Variants in PCDHGA2 observed in about 807,000 individuals in gnomAD.
The protein encoded by PCDHGA2 is protocadherin gamma subfamily A, 2.
In PCDHGA2, 40 loss-of-function variants were observed where a neutral mutation model predicts 59.2. That is an observed-to-expected ratio of 0.68 (90% CI 0.52 to 0.88). The LOEUF is 0.88. PCDHGA2 is among the 40% of genes least tolerant of loss of function. PCDHGA2 has a pLI of 0.00. For missense variants in PCDHGA2, 1,226 were observed against 1,204.0 expected (o/e 1.02, Z -0.27); for synonymous variants, 560 against 526.0 (o/e 1.06, Z -0.89).
chr5:141,433,050 G>A, intron 1 of PCDHGA2: 2 of 1,614,142 alleles, frequency 1.2e-6, no homozygotes, highest in Non-Finnish European at 1.7e-6. Context: ...ACGGACTCGC[G>A]GAAGAGTCAC....
chr5:141,370,807 C>T lies in PCDHGA2; in HGVS notation c.2424+29412C>T. 2 of 1,614,036 alleles carry T rather than the reference C, an allele frequency of 1.2e-6. No homozygotes were observed. Among genetic ancestry groups the T allele is most frequent in the Non-Finnish European group, 1.7e-6 (2 of 1,179,902 alleles). On this transcript the variant is annotated intron_variant, in intron 1 of 3. Coordinates refer to ENST00000394576, the MANE Select transcript of PCDHGA2 (RefSeq NM_018915.4). ...CCACCGACCTTTAGCCAAAATATCA[C>T]TGAGCTGGAAATCAGCGAACTGGCT...
chr5:141,365,657 G>A (rs79266084), intron 1 of PCDHGA2: 42,341 of 1,613,360 alleles, frequency 0.026, 713 homozygotes, highest in East Asian at 0.041. Flanking sequence ...CTTGAAAGTA[G>A]CAGACGTTAA....
At chr5:141,501,837 G>C (rs2099811299) in intron 2 of PCDHGA2, among the ~76,000 whole-genome samples, 1 of 152,018 alleles carries the variant, frequency 6.6e-6, no homozygotes, top group Admixed American at 6.5e-5. Flanking sequence ...CCACCTGTTT[G>C]GCCCTCAACC....
intron 1 of PCDHGA2, chr5:141,361,052 A>T: frequency 6.2e-7 from 1 of 1,613,800 alleles, no homozygotes; most frequent in South Asian, 1.1e-5. Flanking sequence ...ACAAAGGATG[A>T]TTTGGATTTT....
intron 1 of PCDHGA2, chr5:141,351,301 C>G (rs1403926091): frequency 6.2e-7 from 1 of 1,613,870 alleles, no homozygotes; most frequent in African/African-American, 1.3e-5. Flanking sequence ...CATTCATGTC[C>G]TTCTCTAACC....
At position 141,339,538 on chromosome 5, in the gene PCDHGA2, CAA is replaced by C; in HGVS notation, c.568_569del (p.Lys190ValfsTer26). ...LDVRRGADGNKYPELVLERSL... is the reference protein window; with the variant it reads ...LDVRRGADGNXYPELVLERSL... ...ACGTGCGAAGGGGAGCTGATGGGAACAAGTACCCAGAACTGGTGCTGGAGCGC... is the reference window on the plus strand; with the variant it reads ...ACGTGCGAAGGGGAGCTGATGGGAACGTACCCAGAACTGGTGCTGGAGCGC... On this transcript the variant is annotated frameshift_variant, in exon 1 of 4. Coordinates refer to ENST00000394576, the MANE Select transcript of PCDHGA2 (RefSeq NM_018915.4). LOFTEE classifies it high-confidence loss of function. The C allele has an allele frequency of 6.2e-7, 1 of 1,614,174 alleles. No individual in the cohort carries two copies. Among genetic ancestry groups the C allele is most frequent in the Middle Eastern group, 1.6e-4 (1 of 6,062 alleles).
At chr5:141,447,284 C>A (rs979564320) in intron 1 of PCDHGA2, among the ~76,000 whole-genome samples, 1 of 152,124 alleles carries the variant, frequency 6.6e-6, no homozygotes, top group African/African-American at 2.4e-5. Context: ...GGACTACAGG[C>A]ACATGCCACC....
Position 141,491,757 on chromosome 5 carries a change from C to G in PCDHGA2, c.2425-3050C>G. ...CTGGGGGCGGCACTGGAGAAGCCGC[C>G]CGTCCTCATAAGGGATTGAACTTGC... On this transcript the variant is annotated intron_variant, in intron 1 of 3. Coordinates refer to ENST00000394576, the MANE Select transcript of PCDHGA2 (RefSeq NM_018915.4). This position sits in a 1 kb window ranked among gnomAD's most constrained non-coding sequence, Gnocchi z 6.9. 1 of 1,580,374 alleles carries G rather than the reference C, an allele frequency of 6.3e-7. No individual in the cohort carries two copies. The highest frequency in any genetic ancestry group is 1.9e-5 in the Admixed American group (1 of 53,534).
intron 1 of PCDHGA2, among the ~76,000 whole-genome samples, chr5:141,464,022 TG>T (rs948245337): frequency 1.3e-5 from 2 of 151,716 alleles, no homozygotes; most frequent in African/African-American, 4.8e-5. Context: ...TCCCACACTT[TG>T]GGAGGCCAAG....
At position 141,365,513 on chromosome 5, in the gene PCDHGA2, G is replaced by C. The variant is rs756301595; in HGVS notation, c.2424+24118G>C. The C allele has an allele frequency of 8.7e-6, 14 of 1,613,760 alleles. No homozygotes were observed. The Admixed American group carries it at 2.3e-4, about 27-fold the overall frequency. Reference sequence around the variant, plus strand: ...TCCTAGGAATTTGCCTTTTAAATTGGAGAAGTCAGTTGATAATTACTATCA... The same window carrying C: ...TCCTAGGAATTTGCCTTTTAAATTGCAGAAGTCAGTTGATAATTACTATCA... On this transcript the variant is annotated intron_variant, in intron 1 of 3. Coordinates refer to ENST00000394576, the MANE Select transcript of PCDHGA2 (RefSeq NM_018915.4).
intron 1 of PCDHGA2, chr5:141,389,877 A>T: frequency 6.2e-7 from 1 of 1,614,088 alleles, no homozygotes; most frequent in South Asian, 1.1e-5. Context: ...CTTCGCCGAC[A>T]GCTTGCAGGA....
At chr5:141,387,448 G>T (rs913381872) in intron 1 of PCDHGA2, among the ~76,000 whole-genome samples, 1 of 152,228 alleles carries the variant, frequency 6.6e-6, no homozygotes, top group African/African-American at 2.4e-5. Context: ...TAATCTACAT[G>T]ATTTGCCTAA....
chr5:141,446,850 C>T (rs1027473189), intron 1 of PCDHGA2, among the ~76,000 whole-genome samples: 2 of 152,114 alleles, frequency 1.3e-5, no homozygotes, highest in Non-Finnish European at 2.9e-5. Flanking sequence ...GCATAATAAG[C>T]TTCCTGATAG....
chr5:141,415,740 G>GTTTT lies in PCDHGA2; in HGVS notation c.2424+74374_2424+74377dup, dbSNP rs57426385. ...TGAGTAGAATTTGATGTTTATTAAG[G>GTTTT]TTTTTTTTTTTTTTTTTTTTTTTTT... On this transcript the variant is annotated intron_variant, in intron 1 of 3. Transcript: ENST00000394576. 3.9e-3 allele frequency: 2,454 copies of GTTTT among 623,032 alleles called. 15 individuals carry two copies. Among genetic ancestry groups the GTTTT allele is most frequent in the South Asian group, 7.6e-3 (262 of 34,698 alleles). 38.6% of individuals were successfully genotyped at this position (623,032 alleles called of 1,614,324 possible).
chr5:141,440,330 G>A (rs1377511406), intron 1 of PCDHGA2: 1 of 152,162 alleles, frequency 6.6e-6, no homozygotes, highest in Non-Finnish European at 1.5e-5. Context: ...ACTGGGCATG[G>A]TGGTGCAGGC....
At chr5:141,418,248 C>G (rs372067603) in intron 1 of PCDHGA2, 1 of 1,614,000 alleles carries the variant, frequency 6.2e-7, no homozygotes, top group Admixed American at 1.7e-5. Context: ...AATGACCACG[C>G]CCCTCAATTC....
Position 141,490,398 on chromosome 5 carries a change from C to A in PCDHGA2, c.2425-4409C>A. 1 of 1,614,168 alleles carries A rather than the reference C, an allele frequency of 6.2e-7. No homozygotes were observed. Among genetic ancestry groups the A allele is most frequent in the South Asian group, 1.1e-5 (1 of 91,088 alleles). On this transcript the variant is annotated intron_variant, in intron 1 of 3. Coordinates refer to ENST00000394576, the MANE Select transcript of PCDHGA2 (RefSeq NM_018915.4). This position sits in a 1 kb window ranked among gnomAD's most constrained non-coding sequence, Gnocchi z 5.4. ...ACTCAGGTAGAAATGGTGAAGTGAG[C>A]CTTGATATCTCTCCGGACCTGCCAT...
At chr5:141,494,455 G>A (rs906714175) in intron 1 of PCDHGA2, among the ~76,000 whole-genome samples, 2 of 152,156 alleles carry the variant, frequency 1.3e-5, no homozygotes, top group African/African-American at 4.8e-5. Flanking sequence ...AGGGGGCTTT[G>A]TCTGCACCTC....
chr5:141,342,058 C>A (rs1757113228), intron 1 of PCDHGA2: 2 of 152,568 alleles, frequency 1.3e-5, no homozygotes, highest in Admixed American at 1.3e-4. Context: ...AAGTGACTGA[C>A]TTATCATCTG....
Sources: allele counts gnomAD v4.1 joint callset (sites outside exome capture counted in the v4.1 genomes callset), GRCh38; gene constraint gnomAD v4.1.1; non-coding constraint Gnocchi (gnomAD v3.1); transcripts MANE v1.5; gene names NCBI Gene and HGNC (gene_info 2026-07-23, HGNC 2026-07-21).